The following LRRFIP1 variants were observed in gnomAD, a reference collection of about 807,000 sequenced individuals.
LRRFIP1 encodes LRR binding FLII interacting protein 1, also known as leucine-rich repeat flightless-interacting protein 1.
LRRFIP1 carries 62 observed loss-of-function variants against 104.4 expected under a neutral mutation model. The observed-to-expected ratio is 0.59, with a 90% CI of 0.48 to 0.73. LRRFIP1 has a LOEUF of 0.73. LRRFIP1 is among the 30% of genes least tolerant of loss of function. LRRFIP1 has a pLI of 0.00. For missense variants in LRRFIP1, 796 were observed against 824.5 expected (o/e 0.97, Z 0.42); for synonymous variants, 300 against 299.0 (o/e 1.00, Z -0.03).
In LRRFIP1 at chr2:237,764,133, T is replaced by C. The variant is rs1482418086; in HGVS notation, c.1459+3928T>C. The C allele has an allele frequency of 3.7e-6, 6 of 1,614,052 alleles. No homozygotes were observed. In the Admixed American group the frequency reaches 5.0e-5, roughly 13 times the overall value. On this transcript the variant is annotated intron_variant, in intron 19 of 23. Coordinates refer to ENST00000308482, the MANE Select transcript of LRRFIP1 (RefSeq NM_001137550.2). ...GGCAAAAGCAAAGAAGACTGTACCA[T>C]GTCCTAAGCTGAGGCAGGCGGCAGG...
At chr2:237,779,237 A>G in intron 23 of LRRFIP1, 185 bp from the exon 24 acceptor site, 3 of 560,962 alleles carry the variant, frequency 5.3e-6, no homozygotes, top group Non-Finnish European at 6.8e-6. Context: ...GAAAACCATC[A>G]GGATCCCCAA....
At chr2:237,654,998 T>C (rs753747081) in intron 1 of LRRFIP1, among the ~76,000 whole-genome samples, 53 of 151,324 alleles carry the variant, frequency 3.5e-4, no homozygotes, top group Non-Finnish European at 6.6e-4. Context: ...GCCTTCAACA[T>C]GAAGGAGATC....
intron 23 of LRRFIP1, among the ~76,000 whole-genome samples, chr2:237,775,914 G>T (rs2061049508): frequency 6.6e-6 from 1 of 151,958 alleles, no homozygotes; most frequent in Non-Finnish European, 1.5e-5. Flanking sequence ...AACCAAAGAT[G>T]CCATTTCTCT....
Position 237,756,354 on chromosome 2 carries a change from A to G in LRRFIP1, c.1131+167A>G, listed in dbSNP as rs55972316. On this transcript the variant is annotated intron_variant, in intron 16 of 23. Coordinates refer to ENST00000308482, the MANE Select transcript of LRRFIP1 (RefSeq NM_001137550.2). ...TCTGGAGGCTGGGAGTCCAAGATCAAGGTTGGGTTCAGGTGAGGCCTCTCT... is the reference window on the plus strand; with the variant it reads ...TCTGGAGGCTGGGAGTCCAAGATCAGGGTTGGGTTCAGGTGAGGCCTCTCT... 4.5e-3 allele frequency among the ~76,000 whole-genome samples: 684 copies of G among 152,358 alleles called. 4 individuals are homozygous for G. Among genetic ancestry groups the G allele is most frequent in the Non-Finnish European group, 6.4e-3 (437 of 68,036 alleles).
chr2:237,733,247 G>A (rs2095092005), intron 8 of LRRFIP1, among the ~76,000 whole-genome samples: 1 of 152,214 alleles, frequency 6.6e-6, no homozygotes. Flanking sequence ...CTAGACCGCG[G>A]CTCCTCTGGG....
At chr2:237,763,411 G>A in intron 19 of LRRFIP1, 2 of 1,613,918 alleles carry the variant, frequency 1.2e-6, no homozygotes, top group Non-Finnish European at 1.7e-6. Context: ...ACTCATCGCA[G>A]AAGAAGACAA....
chr2:237,771,529 G>A (rs374511515), intron 20 of LRRFIP1, among the ~76,000 whole-genome samples: 7 of 143,620 alleles, frequency 4.9e-5, no homozygotes, highest in Middle Eastern at 3.7e-3. Flanking sequence ...CAGATTTGGT[G>A]TCTGAGGGGT....
chr2:237,647,690 G>A (rs1486706013), intron 1 of LRRFIP1, among the ~76,000 whole-genome samples: 3 of 116,086 alleles, frequency 2.6e-5, no homozygotes, highest in Non-Finnish European at 6.5e-5. Context: ...GCAGGGTCAC[G>A]CCCTGTCACC....
rs2093425075 is a variant in LRRFIP1 at position 237,700,001 on chromosome 2, G to A, written c.97-8543G>A. Reference sequence around the variant, plus strand: ...TGAGATACAGTGCACATCGCCTCTGGGGGACATGGGGTGGTGGGTACACGG... The same window carrying A: ...TGAGATACAGTGCACATCGCCTCTGAGGGACATGGGGTGGTGGGTACACGG... On this transcript the variant is annotated intron_variant, in intron 1 of 23. Transcript: ENST00000308482. 2.6e-5 allele frequency among the ~76,000 whole-genome samples: 4 copies of A among 152,210 alleles called. No homozygotes were observed. In the South Asian group the frequency reaches 8.3e-4, roughly 32 times the overall value.
intron 1 of LRRFIP1, among the ~76,000 whole-genome samples, chr2:237,695,616 A>G (rs1234136006): frequency 6.6e-6 from 1 of 152,236 alleles, no homozygotes; most frequent in African/African-American, 2.4e-5. Context: ...TTGAAGCCCC[A>G]GAGGCCATAA....
Position 237,661,544 on chromosome 2 carries a change from T to C in LRRFIP1, c.96+33804T>C, listed in dbSNP as rs971822132. Among the ~76,000 whole-genome samples, 1 of 152,220 alleles carries C rather than the reference T, an allele frequency of 6.6e-6. No individual in the cohort carries two copies. Among genetic ancestry groups the C allele is most frequent in the African/African-American group, 2.4e-5 (1 of 41,456 alleles). On this transcript the variant is annotated intron_variant, in intron 1 of 23. Transcript: ENST00000308482. The surrounding 1 kb of genome is among the most constrained non-coding windows in gnomAD (Gnocchi z 4.4). Reference sequence around the variant, plus strand: ...TCTCGGCCCCTGGTTCACCTTCTGTTCCTGCCCAGGGCAAACTGCCCTATG... The same window carrying C: ...TCTCGGCCCCTGGTTCACCTTCTGTCCCTGCCCAGGGCAAACTGCCCTATG...
At chr2:237,699,377 G>A (rs1190544908) in intron 1 of LRRFIP1, among the ~76,000 whole-genome samples, 2 of 148,976 alleles carry the variant, frequency 1.3e-5, no homozygotes, top group African/African-American at 5.0e-5. Context: ...TTTTGAGATG[G>A]AATTTCGCTC....
intron 1 of LRRFIP1, among the ~76,000 whole-genome samples, chr2:237,657,858 G>A (rs1306548827): frequency 6.6e-6 from 1 of 152,152 alleles, no homozygotes; most frequent in African/African-American, 2.4e-5. Flanking sequence ...TTATGAACCT[G>A]TAGGCTCAAG....
At chr2:237,720,957 A>G in intron 6 of LRRFIP1, 135 bp downstream of exon 6, 1 of 735,808 alleles carries the variant, frequency 1.4e-6, no homozygotes, top group Non-Finnish European at 2.4e-6. Flanking sequence ...TGAGATGCTT[A>G]CTTAAAATCA....
At chr2:237,650,651 C>T (rs763119490) in intron 1 of LRRFIP1, among the ~76,000 whole-genome samples, 8 of 152,210 alleles carry the variant, frequency 5.3e-5, no homozygotes, top group African/African-American at 1.9e-4. Context: ...CCAGGCTGGA[C>T]GTTGGCACAG....
At chr2:237,696,070 T>C (rs1002448147) in intron 1 of LRRFIP1, among the ~76,000 whole-genome samples, 14 of 152,264 alleles carry the variant, frequency 9.2e-5, no homozygotes, top group Non-Finnish European at 1.6e-4. Flanking sequence ...TGGTTTCTCC[T>C]TGGGATTGTA....
At chr2:237,731,229 A>G (rs999489122) in intron 8 of LRRFIP1, among the ~76,000 whole-genome samples, 3 of 152,220 alleles carry the variant, frequency 2.0e-5, no homozygotes, top group Admixed American at 6.5e-5. Flanking sequence ...ATGCTTCTAG[A>G]AGAAATAGCT....
chr2:237,781,371 A>T lies in LRRFIP1; in HGVS notation c.*1839A>T, dbSNP rs1190331838. 6.6e-6 allele frequency among the ~76,000 whole-genome samples: 1 copy of T among 152,216 alleles called. No homozygotes were observed. Among genetic ancestry groups the T allele is most frequent in the African/African-American group, 2.4e-5 (1 of 41,462 alleles). On this transcript the variant is annotated 3_prime_UTR_variant, in exon 24 of 24. Transcript: ENST00000308482. ...TGTTATCAAATCCACATTACAGATG[A>T]GGGACCCAGGGTCCAGGAAGGTGAA...
intron 1 of LRRFIP1, among the ~76,000 whole-genome samples, chr2:237,701,636 G>T (rs1326487289): frequency 2.0e-5 from 3 of 152,192 alleles, no homozygotes; most frequent in Admixed American, 2.0e-4. Flanking sequence ...GGGAATCTCT[G>T]GGGCTCTGAG....
Sources: gnomAD v4.1 joint callset for allele counts (sites outside exome capture counted in the v4.1 genomes callset) on GRCh38, gnomAD v4.1.1 for gene constraint, Gnocchi (gnomAD v3.1) non-coding constraint, MANE v1.5 for transcripts, NCBI Gene and HGNC (gene_info 2026-07-23, HGNC 2026-07-21) for gene names.